Variants in CIMAP1D observed in about 807,000 individuals in gnomAD.
The protein encoded by CIMAP1D is protein CIMAP1D.
chr19:489,105 G>C, the CIMAP1D span: 1 of 152,136 alleles, frequency 6.6e-6, no homozygotes, highest in Non-Finnish European at 1.5e-5. Context: ...TCAGCTGCGG[G>C]GGCCGCGCGG....
the CIMAP1D span, among the ~76,000 whole-genome samples, chr19:479,987 G>A: frequency 6.6e-6 from 1 of 152,180 alleles, no homozygotes; most frequent in East Asian, 1.9e-4. Flanking sequence ...TATAATGACG[G>A]TCTCAGGCAG....
At chr19:467,720 T>C in the CIMAP1D span, 3 of 1,610,448 alleles carry the variant, frequency 1.9e-6, no homozygotes, top group South Asian at 3.3e-5. Flanking sequence ...GACTTTGGGG[T>C]CCAAGAAGTA....
chr19:467,797 C>A, the CIMAP1D span: 1 of 1,386,712 alleles, frequency 7.2e-7, no homozygotes, highest in South Asian at 1.3e-5. Context: ...GAGAGTGATT[C>A]TGAAGACAGT....
At chr19:482,649 T>G in the CIMAP1D span, among the ~76,000 whole-genome samples, 1 of 152,170 alleles carries the variant, frequency 6.6e-6, no homozygotes, top group Non-Finnish European at 1.5e-5. Flanking sequence ...ACGGCTCTGC[T>G]GCCAGCTCTG....
At chr19:490,248 T>A in the CIMAP1D span, 1 of 297,536 alleles carries the variant, frequency 3.4e-6, no homozygotes, top group African/African-American at 2.2e-5. Flanking sequence ...CCCACCTACT[T>A]GGAAGGCCGT....
chr19:486,420 C>CTGAT, the CIMAP1D span, among the ~76,000 whole-genome samples: 3 of 151,776 alleles, frequency 2.0e-5, no homozygotes, highest in Non-Finnish European at 2.9e-5. Context: ...CCTTGGACCA[C>CTGAT]TGATTGATTG....
chr19:475,621 A>T, the CIMAP1D span, among the ~76,000 whole-genome samples: 1 of 152,238 alleles, frequency 6.6e-6, no homozygotes, highest in Middle Eastern at 3.4e-3. Context: ...TGCCTCCCAG[A>T]TGCCTCCGAG....
At chr19:464,091 T>A in the CIMAP1D span, 1 of 1,305,006 alleles carries the variant, frequency 7.7e-7, no homozygotes, top group Non-Finnish European at 1.0e-6. Flanking sequence ...GTCCGGGCTG[T>A]CGTACTGGCC....
At chr19:473,217 T>C in the CIMAP1D span, among the ~76,000 whole-genome samples, 3,307 of 10,284 alleles carry the variant, frequency 0.32, 400 homozygotes, top group East Asian at 0.47. Context: ...GACTGAGGCC[T>C]AGGCAGAGAT....
At chr19:470,942 G>T in the CIMAP1D span, among the ~76,000 whole-genome samples, 1 of 152,294 alleles carries the variant, frequency 6.6e-6, no homozygotes, top group Middle Eastern at 3.4e-3. Flanking sequence ...ACAGCGAGCC[G>T]GTGCACCCCA....
At chr19:482,296 C>T in the CIMAP1D span, among the ~76,000 whole-genome samples, 4 of 152,294 alleles carry the variant, frequency 2.6e-5, no homozygotes, top group East Asian at 5.8e-4. Context: ...AGTGCTCCAG[C>T]GTCACCTGTG....
At chr19:488,109 C>T in the CIMAP1D span, among the ~76,000 whole-genome samples, 137 of 152,220 alleles carry the variant, frequency 9.0e-4, 1 homozygote, top group Non-Finnish European at 1.6e-3. Context: ...TCGGGGAGCT[C>T]GGCTCTTGGG....
At chr19:470,730 G>A in the CIMAP1D span, among the ~76,000 whole-genome samples, 1 of 152,200 alleles carries the variant, frequency 6.6e-6, no homozygotes, top group Non-Finnish European at 1.5e-5. Flanking sequence ...CGCGCTCCCA[G>A]CCCAGCTGGG....
chr19:486,526 C>T, the CIMAP1D span, among the ~76,000 whole-genome samples: 3 of 151,984 alleles, frequency 2.0e-5, no homozygotes, highest in Non-Finnish European at 4.4e-5. Context: ...CTGCAACCTC[C>T]GCCTGGTGGG....
chr19:466,975 T>G, the CIMAP1D span, among the ~76,000 whole-genome samples: 2 of 17,110 alleles, frequency 1.2e-4, no homozygotes, highest in African/African-American at 6.9e-4. Flanking sequence ...GGTGGGTGGT[T>G]GGGTGGGTGG....
At chr19:486,070 C>T in the CIMAP1D span, among the ~76,000 whole-genome samples, 10 of 152,250 alleles carry the variant, frequency 6.6e-5, no homozygotes, top group Non-Finnish European at 1.3e-4. Flanking sequence ...CAGAGAGAGC[C>T]TGCTGTCCCC....
At chr19:489,437 G>T in the CIMAP1D span, 1 of 126,404 alleles carries the variant, frequency 7.9e-6, no homozygotes, top group African/African-American at 3.9e-5. Context: ...ACCCGCCCTC[G>T]CAGCCCATGG....
the CIMAP1D span, among the ~76,000 whole-genome samples, chr19:470,227 G>A: frequency 0.017 from 2,381 of 136,730 alleles, 35 homozygotes; most frequent in Middle Eastern, 0.043. Context: ...TTTTTTTTGC[G>A]ACGGAGTCTC....
At chr19:474,474 C>G in the CIMAP1D span, 2 of 815,366 alleles carry the variant, frequency 2.5e-6, no homozygotes, top group Non-Finnish European at 3.5e-6. Flanking sequence ...CCCATCCTGC[C>G]GGAAGGAAAA....
Sources: gnomAD v4.1 joint callset for allele counts (sites outside exome capture counted in the v4.1 genomes callset) on GRCh38, gnomAD v4.1.1 for gene constraint, MANE v1.5 for transcripts, NCBI Gene and HGNC (gene_info 2026-07-23, HGNC 2026-07-21) for gene names.